Variants in ADM2 observed in about 807,000 individuals in gnomAD.
ADM2 encodes protein ADM2.
ADM2 carries 5 observed loss-of-function variants against 7.1 expected under a neutral mutation model. That is an observed-to-expected ratio of 0.71 (90% CI 0.37 to 1.49). The LOEUF is 1.49. Among genes scored for constraint, ADM2 ranks in the 40% most tolerant of loss-of-function variants. ADM2 has a pLI of 0.03. For synonymous variants in ADM2, 123 were observed against 92.8 expected (o/e 1.33, Z -1.87); for missense variants, 236 against 211.2 (o/e 1.12, Z -0.73).
rs1471861432 is a variant in ADM2, at chr22:50,483,204, G to A, written c.*301G>A. On this transcript the variant is annotated 3_prime_UTR_variant, in exon 3 of 3. Transcript: ENST00000395737. ...GGAGGTGTCTGCCCAGAGATGTGGA[G>A]CAGAAGCTGGGCCCTGAACACACGG... 2 of 610,616 alleles carry A rather than the reference G, an allele frequency of 3.3e-6. No homozygotes were observed. The highest frequency in any genetic ancestry group is 7.0e-5 in the East Asian group (2 of 28,626). The allele number at this position is 610,616 out of a possible 1,614,324, so 37.8% of individuals were successfully genotyped here. A position where few individuals can be genotyped will look rare whatever the true frequency, so the allele number is the denominator to read the frequency against.
chr22:50,481,888 T>C lies in ADM2; in HGVS notation c.41T>C (p.Leu14Pro). 4 of 1,526,408 alleles carry C rather than the reference T, an allele frequency of 2.6e-6. No homozygotes were observed. Among genetic ancestry groups the C allele is most frequent in the Non-Finnish European group, 2.6e-6 (3 of 1,140,592 alleles). 94.6% of individuals were successfully genotyped at this position (1,526,408 alleles called of 1,614,324 possible). ...IPTAALGCIS[L>P]LCLQLPGSLS... ...ACGGCCGCCCTGGGTTGCATCAGCC[T>C]CCTCTGCCTGCAGCTCCCTGGCTCG... Residue 14 changes from leucine (L) to proline (P), a missense_variant, in exon 2 of 3, where the codon CTC (leucine) becomes CCC (proline). Transcript: ENST00000395737.
At position 50,484,510 on chromosome 22, in the gene ADM2, T is replaced by G. The variant is rs1327941876; in HGVS notation, c.*1607T>G. 6.6e-6 allele frequency: 1 copy of G among 151,676 alleles called. No individual in the cohort carries two copies. Among genetic ancestry groups the G allele is most frequent in the Admixed American group, 6.6e-5 (1 of 15,238 alleles). 9.4% of individuals were successfully genotyped at this position (151,676 alleles called of 1,614,324 possible). On this transcript the variant is annotated 3_prime_UTR_variant, in exon 3 of 3. Transcript: ENST00000395737. The stretch of plus-strand genomic sequence containing the variant: ...TCAGAGTCATGTGCCCTGTGACCAC[T>G]GAAGGGTGTCAGCAGAGCACACGGC...
In ADM2 at chr22:50,482,740, A is replaced by C. The variant is rs889640738; in HGVS notation, c.284A>C (p.His95Pro). The C allele has an allele frequency of 4.1e-6, 6 of 1,446,772 alleles. No individual in the cohort carries two copies. In the African/African-American group the frequency reaches 5.8e-5, roughly 14 times the overall value. The allele number at this position is 1,446,772 out of a possible 1,614,324, so 89.6% of individuals were successfully genotyped here. A position where few individuals can be genotyped will look rare whatever the true frequency, so the allele number is the denominator to read the frequency against. The change falls in exon 3 of 3, where the codon CAC (histidine) becomes CCC (proline). Residue 95 changes from histidine to proline, a missense_variant. Coordinates refer to ENST00000395737, the MANE Select transcript of ADM2 (RefSeq NM_001253845.2). ...CGCCAACACTCGGGCCCCCGAAGAC[A>C]CTCGGGCCCCCGCAGGACCCAAGCC... is the stretch of plus-strand genomic sequence containing the variant. ...GGRQHSGPRR[H>P]SGPRRTQAQL...
chr22:50,485,712 G>A lies in ADM2; in HGVS notation c.*2809G>A, dbSNP rs2068258142. ...TGGGGCAGGTGCCGTTTAAATGGGG[G>A]GCGCTGGGGTCTCCTCACAGTTGCT... On this transcript the variant is annotated 3_prime_UTR_variant, in exon 3 of 3. Coordinates refer to ENST00000395737, the MANE Select transcript of ADM2 (RefSeq NM_001253845.2). 2 of 152,376 alleles carry A rather than the reference G, an allele frequency of 1.3e-5. No individual in the cohort carries two copies. Among genetic ancestry groups the A allele is most frequent in the East Asian group, 1.9e-4 (1 of 5,194 alleles). 9.4% of individuals were successfully genotyped at this position (152,376 alleles called of 1,614,324 possible).
In ADM2 at chr22:50,482,750, C is replaced by T. The variant is rs752108335; in HGVS notation, c.294C>T (p.Pro98=). 1.3e-5 allele frequency: 20 copies of T among 1,593,212 alleles called. No homozygotes were observed. The highest frequency in any genetic ancestry group is 6.7e-5 in the African/African-American group (5 of 74,272). ...CGGGCCCCCGAAGACACTCGGGCCCCCGCAGGACCCAAGCCCAGCTCCTGC... is the reference window on the plus strand; with the variant it reads ...CGGGCCCCCGAAGACACTCGGGCCCTCGCAGGACCCAAGCCCAGCTCCTGC... The part of the protein sequence containing the change: ...QHSGPRRHSG[P]RRTQAQLLRV... Residue 98 remains proline (P), a synonymous_variant, in exon 3 of 3, where the codon CCC becomes CCT. Transcript: ENST00000395737.
In ADM2 at chr22:50,483,254, G is replaced by A. The variant is rs531387314; in HGVS notation, c.*351G>A. On this transcript the variant is annotated 3_prime_UTR_variant, in exon 3 of 3. Transcript: ENST00000395737. ...GGGCCATGTCTGGACGAGCAGGGGAGAGAGGCTGAACTGGCCAGAAGTGGC... is the reference window on the plus strand; with the variant it reads ...GGGCCATGTCTGGACGAGCAGGGGAAAGAGGCTGAACTGGCCAGAAGTGGC... 5.3e-5 allele frequency: 28 copies of A among 524,586 alleles called. No homozygotes were observed. The highest frequency in any genetic ancestry group is 3.7e-4 in the South Asian group (24 of 65,080). The allele number at this position is 524,586 out of a possible 1,614,324, so 32.5% of individuals were successfully genotyped here. A position where few individuals can be genotyped will look rare whatever the true frequency, so the allele number is the denominator to read the frequency against.
At position 50,486,181 on chromosome 22, in the gene ADM2, C is replaced by T. The variant is rs1216599531; in HGVS notation, c.*3278C>T. On this transcript the variant is annotated 3_prime_UTR_variant, in exon 3 of 3. Coordinates refer to ENST00000395737, the MANE Select transcript of ADM2 (RefSeq NM_001253845.2). ...CGGTGTTAGCAAGAATCCTCTAAATCAGTTTATGGAGAATTACCCACCCTC... is the reference window on the plus strand; with the variant it reads ...CGGTGTTAGCAAGAATCCTCTAAATTAGTTTATGGAGAATTACCCACCCTC... 3 of 152,356 alleles carry T rather than the reference C, an allele frequency of 2.0e-5. No homozygotes were observed. The highest frequency in any genetic ancestry group is 2.1e-4 in the South Asian group (1 of 4,844). 9.4% of individuals were successfully genotyped at this position (152,356 alleles called of 1,614,324 possible).
Position 50,482,976 on chromosome 22 carries a change from C to T in ADM2, c.*73C>T. 6.5e-7 allele frequency: 1 copy of T among 1,536,282 alleles called. No individual in the cohort carries two copies. The highest frequency in any genetic ancestry group is 2.4e-5 in the East Asian group (1 of 40,948). On this transcript the variant is annotated 3_prime_UTR_variant, in exon 3 of 3. Coordinates refer to ENST00000395737, the MANE Select transcript of ADM2 (RefSeq NM_001253845.2). Reference sequence around the variant, plus strand: ...CCCCGTCCAGAGCTGCAGCTGAGCCCCATCTGAAGCCCAGTCCCTCGGAGC... The same window carrying T: ...CCCCGTCCAGAGCTGCAGCTGAGCCTCATCTGAAGCCCAGTCCCTCGGAGC...
rs2068227382 is a variant in ADM2 at position 50,483,666 on chromosome 22, C to T, written c.*763C>T. The stretch of plus-strand genomic sequence containing the variant: ...CCCCAGCCCGACTAGACCCACCTCA[C>T]CTGAAGGGGGTGAGACCCTTGTTGG... On this transcript the variant is annotated 3_prime_UTR_variant, in exon 3 of 3. Coordinates refer to ENST00000395737, the MANE Select transcript of ADM2 (RefSeq NM_001253845.2). 2 of 209,408 alleles carry T rather than the reference C, an allele frequency of 9.6e-6. No homozygotes were observed. Among genetic ancestry groups the T allele is most frequent in the Non-Finnish European group, 9.9e-6 (1 of 101,116 alleles). The allele number at this position is 209,408 out of a possible 1,614,324, so 13.0% of individuals were successfully genotyped here.
At chr22:50,482,489 G>A in intron 2 of ADM2, 78 bp from the exon 3 acceptor site, 6 of 1,433,712 alleles carry the variant, frequency 4.2e-6, no homozygotes, top group Non-Finnish European at 5.5e-6. Flanking sequence ...CCAGGCCTGT[G>A]TAGAGGCAAA....
At position 50,483,363 on chromosome 22, in the gene ADM2, G is replaced by A. The variant is rs1389116194; in HGVS notation, c.*460G>A. On this transcript the variant is annotated 3_prime_UTR_variant, in exon 3 of 3. Transcript: ENST00000395737. ...TCTCATGCACAACCAGCCCTTCCAC[G>A]TGCCTGCCTGTGGGACAGGAGGGGG... 3 of 433,580 alleles carry A rather than the reference G, an allele frequency of 6.9e-6. No individual in the cohort carries two copies. Among genetic ancestry groups the A allele is most frequent in the South Asian group, 3.2e-5 (2 of 62,980 alleles). 26.9% of individuals were successfully genotyped at this position (433,580 alleles called of 1,614,324 possible).
Position 50,482,626 on chromosome 22 carries a change from C to CTG in ADM2, c.173_174dup (p.Val59TrpfsTer259). The CTG allele has an allele frequency of 6.6e-7, 1 of 1,524,476 alleles. No homozygotes were observed. The highest frequency in any genetic ancestry group is 8.8e-7 in the Non-Finnish European group (1 of 1,134,524). 94.4% of individuals were successfully genotyped at this position (1,524,476 alleles called of 1,614,324 possible). A position where few individuals can be genotyped will look rare whatever the true frequency, so the allele number is the denominator to read the frequency against. ...CAGCCCAGGCACCCCGCACCCCGAC[C>CTG]TGTGGTCTGGAAGCTTCACCGGGCC... is the stretch of plus-strand genomic sequence containing the variant. On this transcript the variant is annotated frameshift_variant, in exon 3 of 3. Transcript: ENST00000395737. LOFTEE classifies it low-confidence loss of function (END_TRUNC).
At position 50,482,674 on chromosome 22, in the gene ADM2, G is replaced by C. The variant is rs758955391; in HGVS notation, c.218G>C (p.Gly73Ala). The change falls in exon 3 of 3, where the codon GGC (glycine) becomes GCC (alanine). Residue 73 changes from glycine (G) to alanine (A), a missense_variant. Gly to Ala is a moderately conservative substitution (Grantham distance 60). Coordinates refer to ENST00000395737, the MANE Select transcript of ADM2 (RefSeq NM_001253845.2). ...HRALQAQRGA[G>A]LAPVMGQPLR... is the part of the protein sequence containing the mutation. ...GCCCTCCAGGCACAGAGGGGTGCCGGCCTGGCCCCTGTTATGGGTCAGCCT... is the reference window on the plus strand; with the variant it reads ...GCCCTCCAGGCACAGAGGGGTGCCGCCCTGGCCCCTGTTATGGGTCAGCCT... 1.9e-6 allele frequency: 3 copies of C among 1,592,254 alleles called. No individual in the cohort carries two copies. The African/African-American group carries it at 4.0e-5, about 21-fold the overall frequency.
At chr22:50,482,322 C>T (rs371077310) in intron 2 of ADM2, among the ~76,000 whole-genome samples, 2 of 152,246 alleles carry the variant, frequency 1.3e-5, no homozygotes, top group South Asian at 2.1e-4. Flanking sequence ...GCTGGGCCGC[C>T]GGGGTGCCCT....
At chr22:50,482,470 G>A (rs566807842) in intron 2 of ADM2, 97 bp from the exon 3 acceptor site, 2 of 1,413,746 alleles carry the variant, frequency 1.4e-6, no homozygotes, top group South Asian at 1.6e-5. Flanking sequence ...GGCTTCCCCT[G>A]GCAGTGACCC....
In ADM2 at chr22:50,482,674, GCCTGGC is replaced by G. The variant is rs753937361; in HGVS notation, c.221_226del (p.Leu74_Ala75del). The G allele has an allele frequency of 3.5e-5, 55 of 1,592,372 alleles. No homozygotes were observed. The African/African-American group carries it at 6.2e-4, about 18-fold the overall frequency. ...GCCCTCCAGGCACAGAGGGGTGCCG[GCCTGGC>G]CCCTGTTATGGGTCAGCCTCTCCGG... On this transcript the variant is annotated inframe_deletion, in exon 3 of 3. Coordinates refer to ENST00000395737, the MANE Select transcript of ADM2 (RefSeq NM_001253845.2).
chr22:50,485,776 C>T lies in ADM2; in HGVS notation c.*2873C>T, dbSNP rs1297615615. ...GTGCCAGGATCTTGTTGAGTCAGGT[C>T]AGCTGCCCACAGCCCTCTTGCCTGA... On this transcript the variant is annotated 3_prime_UTR_variant, in exon 3 of 3. Coordinates refer to ENST00000395737, the MANE Select transcript of ADM2 (RefSeq NM_001253845.2). 1 of 152,448 alleles carries T rather than the reference C, an allele frequency of 6.6e-6. No homozygotes were observed. Among genetic ancestry groups the T allele is most frequent in the African/African-American group, 2.4e-5 (1 of 41,422 alleles). 9.4% of individuals were successfully genotyped at this position (152,448 alleles called of 1,614,324 possible).
In ADM2 at chr22:50,481,678, G is replaced by T; in HGVS notation, c.-97G>T. 3.0e-6 allele frequency: 1 copy of T among 335,158 alleles called. No individual in the cohort carries two copies. Among genetic ancestry groups the T allele is most frequent in the Non-Finnish European group, 5.3e-6 (1 of 189,626 alleles). 20.8% of individuals were successfully genotyped at this position (335,158 alleles called of 1,614,324 possible). A position where few individuals can be genotyped will look rare whatever the true frequency, so the allele number is the denominator to read the frequency against. On this transcript the variant is annotated 5_prime_UTR_variant, in exon 1 of 3. Coordinates refer to ENST00000395737, the MANE Select transcript of ADM2 (RefSeq NM_001253845.2). ...CGACCCCAGACCCGCTGCCCGCTTCGCGCCCGAGGCCTGCGCCCCGACGGA... is the reference window on the plus strand; with the variant it reads ...CGACCCCAGACCCGCTGCCCGCTTCTCGCCCGAGGCCTGCGCCCCGACGGA...
rs747277520 is a variant in ADM2 at position 50,482,616 on chromosome 22, G to A, written c.160G>A (p.Ala54Thr). Residue 54 changes from alanine to threonine, a missense_variant, in exon 3 of 3, where the codon GCA becomes ACA. By Grantham distance (58) the Ala-to-Thr change is moderately conservative (BLOSUM62 0). Coordinates refer to ENST00000395737, the MANE Select transcript of ADM2 (RefSeq NM_001253845.2). The part of the protein sequence containing the change: ...PSSSLQPRHP[A>T]PRPVVWKLHR... ...CAGCAGCCTGCAGCCCAGGCACCCCGCACCCCGACCTGTGGTCTGGAAGCT... is the reference window on the plus strand; with the variant it reads ...CAGCAGCCTGCAGCCCAGGCACCCCACACCCCGACCTGTGGTCTGGAAGCT... 11 of 1,499,532 alleles carry A rather than the reference G, an allele frequency of 7.3e-6. No homozygotes were observed. Among genetic ancestry groups the A allele is most frequent in the South Asian group, 2.7e-5 (2 of 74,884 alleles). 92.9% of individuals were successfully genotyped at this position (1,499,532 alleles called of 1,614,324 possible). A position where few individuals can be genotyped will look rare whatever the true frequency, so the allele number is the denominator to read the frequency against.
Sources: gnomAD v4.1 joint callset for allele counts (sites outside exome capture counted in the v4.1 genomes callset) on GRCh38, gnomAD v4.1.1 for gene constraint, MANE v1.5 for transcripts, NCBI Gene and HGNC (gene_info 2026-07-23, HGNC 2026-07-21) for gene names.